Variants in ZFR observed in about 807,000 individuals in gnomAD.
The protein encoded by ZFR is zinc finger RNA binding protein.
A neutral mutation model predicts 130.7 loss-of-function variants in ZFR; 19 were observed. The observed-to-expected ratio is 0.15, with a 90% CI of 0.10 to 0.21. The LOEUF is 0.21. Ranked by LOEUF, ZFR falls within the 10% of genes least tolerant of loss-of-function variation. The pLI is 1.00. For synonymous variants in ZFR, 466 were observed against 456.9 expected, an observed-to-expected ratio of 1.02 and a Z score of -0.25; for missense variants, 872 against 1,321.5, an observed-to-expected ratio of 0.66 and a Z score of 5.27.
chr5:32,363,161 C>A (rs1015427215), intron 19 of ZFR, among the ~76,000 whole-genome samples: 2 of 152,278 alleles, frequency 1.3e-5, no homozygotes, highest in Non-Finnish European at 2.9e-5. Context: ...CAATCAAGAT[C>A]TTAAATCCAA....
intron 15 of ZFR, among the ~76,000 whole-genome samples, chr5:32,380,907 C>T (rs972956966): frequency 6.6e-6 from 1 of 151,532 alleles, no homozygotes; most frequent in Non-Finnish European, 1.5e-5. Context: ...GCCTCGGCCT[C>T]CCAAAGTGCT....
At chr5:32,395,121 G>A in intron 11 of ZFR, 38 bp downstream of exon 11, 2 of 1,539,144 alleles carry the variant, frequency 1.3e-6, no homozygotes, top group East Asian at 2.4e-5. Context: ...AAGAAAGGCT[G>A]AACCACTTAC....
intron 9 of ZFR, among the ~76,000 whole-genome samples, chr5:32,397,547 G>A (rs960058126): frequency 6.6e-6 from 1 of 152,060 alleles, no homozygotes; most frequent in African/African-American, 2.4e-5. Context: ...TCAGCCTCCT[G>A]GGTTCAAGCG....
chr5:32,360,665 T>G (rs1752412486), intron 19 of ZFR, among the ~76,000 whole-genome samples: 1 of 152,238 alleles, frequency 6.6e-6, no homozygotes, highest in Non-Finnish European at 1.5e-5. Flanking sequence ...ACATATTTTT[T>G]TCAATTCTCT....
At chr5:32,444,093 C>G (rs2922295) in intron 2 of ZFR, 136 bp downstream of exon 2, 507,147 of 799,800 alleles carry the variant, frequency 0.63, 162,551 homozygotes, top group African/African-American at 0.75. Flanking sequence ...GAGAGGCCGC[C>G]GGGCTGGGCC....
chr5:32,364,060 A>C lies in ZFR; in HGVS notation c.2948-15T>G, dbSNP rs202186346. The C allele has an allele frequency of 7.1e-5, 114 of 1,611,838 alleles. No homozygotes were observed. The East Asian group carries it at 2.5e-3, about 35-fold the overall frequency. On this transcript the variant is annotated splice_polypyrimidine_tract_variant and intron_variant, in intron 18 of 19. Coordinates refer to ENST00000265069, the MANE Select transcript of ZFR (RefSeq NM_016107.5). ...TCCAGGACTACCTACAGCAATCACCACAGGGAGAGGAAATTATTAGCATTG... is the reference window on the plus strand; with the variant it reads ...TCCAGGACTACCTACAGCAATCACCCCAGGGAGAGGAAATTATTAGCATTG...
chr5:32,416,914 C>CTTTT (rs57923621), intron 4 of ZFR, among the ~76,000 whole-genome samples: 3 of 146,280 alleles, frequency 2.1e-5, no homozygotes, highest in African/African-American at 5.0e-5. Flanking sequence ...CATTTTTTTT[C>CTTTT]TTTTTTTTTT....
intron 5 of ZFR, among the ~76,000 whole-genome samples, 189 bp from the exon 6 acceptor site, chr5:32,407,210 C>T (rs1753596956): frequency 6.6e-6 from 1 of 151,768 alleles, no homozygotes; most frequent in Non-Finnish European, 1.5e-5. Flanking sequence ...CTAGTATTTA[C>T]TCAATATATG....
At chr5:32,384,804 G>C (rs1366497960) in intron 15 of ZFR, among the ~76,000 whole-genome samples, 1 of 152,110 alleles carries the variant, frequency 6.6e-6, no homozygotes, top group Non-Finnish European at 1.5e-5. Flanking sequence ...GGCACCAGCA[G>C]GATTTCATAT....
intron 19 of ZFR, among the ~76,000 whole-genome samples, chr5:32,357,450 G>A (rs534806957): frequency 6.6e-6 from 1 of 152,088 alleles, no homozygotes; most frequent in East Asian, 1.9e-4. Flanking sequence ...ATTTTTAGTA[G>A]AGATGGGGTT....
intron 17 of ZFR, among the ~76,000 whole-genome samples, chr5:32,377,756 G>A (rs181617526): frequency 1.3e-5 from 2 of 151,890 alleles, no homozygotes; most frequent in East Asian, 1.9e-4. Flanking sequence ...GCACAATCTC[G>A]GCTCACTGCA....
intron 3 of ZFR, 55 bp downstream of exon 3, chr5:32,419,766 A>T: frequency 4.6e-6 from 7 of 1,531,068 alleles, no homozygotes; most frequent in Non-Finnish European, 6.1e-6. Flanking sequence ...TACATTATAC[A>T]CTGAAGACAA....
At position 32,400,030 on chromosome 5, in the gene ZFR, C is replaced by T; in HGVS notation, c.1690G>A (p.Val564Met). ...ACCTCTTCCACATAATCATGGCCCA[C>T]TGGCTGCACATCACTCTGTAAAGCA... Reference protein sequence around the residue: ...LAALQSDVQPVGHDYVEEVRN... With the variant: ...LAALQSDVQPMGHDYVEEVRN... The change falls in exon 9 of 20, where the codon GTG becomes ATG. Residue 564 changes from valine (V) to methionine (M), a missense_variant. Physicochemically the swap from Val to Met is conservative, Grantham distance 21 (BLOSUM62 1). Around this residue, in one of 7 missense-constraint regions of ZFR, gnomAD observed 54 missense variants for 119.9 expected, o/e 0.45. Transcript: ENST00000265069. The T allele has an allele frequency of 6.2e-7, 1 of 1,607,526 alleles. No individual in the cohort carries two copies. The highest frequency in any genetic ancestry group is 8.5e-7 in the Non-Finnish European group (1 of 1,177,340).
At chr5:32,373,407 G>A (rs1236473983) in intron 17 of ZFR, among the ~76,000 whole-genome samples, 2 of 152,078 alleles carry the variant, frequency 1.3e-5, no homozygotes, top group Non-Finnish European at 1.5e-5. Context: ...AAAGGGTGGG[G>A]AAATAAAATT....
Position 32,405,668 on chromosome 5 carries a change from A to G in ZFR, c.1032+1106T>C, listed in dbSNP as rs563542068. 3.3e-5 allele frequency among the ~76,000 whole-genome samples: 5 copies of G among 152,292 alleles called. No homozygotes were observed. In the South Asian group the frequency reaches 8.3e-4, roughly 25 times the overall value. On this transcript the variant is annotated intron_variant, in intron 6 of 19. Coordinates refer to ENST00000265069, the MANE Select transcript of ZFR (RefSeq NM_016107.5). ...GAGTAGGAAATGCTCCTTAAATACTAAGACCGCCCATCATTCTTGTTCGCT... is the reference window on the plus strand; with the variant it reads ...GAGTAGGAAATGCTCCTTAAATACTGAGACCGCCCATCATTCTTGTTCGCT...
At chr5:32,373,279 G>C (rs532757000) in intron 17 of ZFR, among the ~76,000 whole-genome samples, 12 of 152,178 alleles carry the variant, frequency 7.9e-5, no homozygotes, top group Admixed American at 5.9e-4. Context: ...TGTAATCCCA[G>C]CTACTCAGGA....
chr5:32,417,290 C>T lies in ZFR; in HGVS notation c.565+358G>A, dbSNP rs575126864. ...GAGAAAGATTAATTAAAAATATGGGCCCATTAAAGGGTCTCCACTGGTTAC... is the reference window on the plus strand; with the variant it reads ...GAGAAAGATTAATTAAAAATATGGGTCCATTAAAGGGTCTCCACTGGTTAC... On this transcript the variant is annotated intron_variant, in intron 4 of 19. Transcript: ENST00000265069. Among the ~76,000 whole-genome samples, 10 of 152,202 alleles carry T rather than the reference C, an allele frequency of 6.6e-5. No individual in the cohort carries two copies. In the South Asian group the frequency reaches 1.5e-3, roughly 22 times the overall value.
chr5:32,371,073 T>G (rs552490285), intron 17 of ZFR, among the ~76,000 whole-genome samples: 1 of 152,256 alleles, frequency 6.6e-6, no homozygotes, highest in South Asian at 2.1e-4. Flanking sequence ...AAAACATGAT[T>G]AAGAAATATA....
At chr5:32,377,135 A>G (rs62360820) in intron 17 of ZFR, among the ~76,000 whole-genome samples, 91,365 of 145,448 alleles carry the variant, frequency 0.63, 29,157 homozygotes, top group African/African-American at 0.72. Context: ...CAGCCTGGGC[A>G]ACAGAGCAAG....
Sources: allele counts gnomAD v4.1 joint callset (sites outside exome capture counted in the v4.1 genomes callset), GRCh38; gene constraint gnomAD v4.1.1; regional missense constraint gnomAD v4.1.1; transcripts MANE v1.5; gene names NCBI Gene and HGNC (gene_info 2026-07-23, HGNC 2026-07-21).